Variants in MYT1L observed in about 807,000 individuals in gnomAD.
The protein encoded by MYT1L is myelin transcription factor 1 like.
A neutral mutation model predicts 126.7 loss-of-function variants in MYT1L; 12 were observed. The observed-to-expected ratio is 0.09, with a 90% CI of 0.06 to 0.15. The LOEUF (loss-of-function observed/expected upper bound fraction) is 0.15, where lower values mean the gene tolerates loss of function less well. MYT1L is among the 10% of genes least tolerant of loss of function. The pLI, the probability that MYT1L is intolerant of heterozygous loss-of-function variation, is 1.00. For synonymous variants in MYT1L, 541 were observed against 604.2 expected (o/e 0.90, Z 1.53); for missense variants, 979 against 1,585.2 (o/e 0.62, Z 6.49).
intron 3 of MYT1L, among the ~76,000 whole-genome samples, chr2:2,117,784 G>C (rs1300056346): frequency 1.3e-5 from 2 of 152,116 alleles, no homozygotes; most frequent in East Asian, 3.9e-4. Context: ...GTCTCCACTA[G>C]ATAGCAATGA....
At chr2:2,006,532 T>C (rs891802708) in intron 4 of MYT1L, among the ~76,000 whole-genome samples, 1 of 152,130 alleles carries the variant, frequency 6.6e-6, no homozygotes. Context: ...CCCCCACCCA[T>C]AACCACTGTT....
intron 4 of MYT1L, among the ~76,000 whole-genome samples, chr2:1,999,363 A>G (rs2062153878): frequency 6.6e-6 from 1 of 152,174 alleles, no homozygotes; most frequent in South Asian, 2.1e-4. Context: ...GCACTCTGCT[A>G]GACACGGGTA....
At chr2:2,321,440 G>A (rs1347238880) in intron 1 of MYT1L, among the ~76,000 whole-genome samples, 1 of 152,154 alleles carries the variant, frequency 6.6e-6, no homozygotes, top group African/African-American at 2.4e-5. Flanking sequence ...CTTCTGTTCA[G>A]ATGGCACAGG....
intron 18 of MYT1L, among the ~76,000 whole-genome samples, chr2:1,868,463 C>T (rs1010035584): frequency 2.6e-5 from 4 of 151,888 alleles, no homozygotes; most frequent in African/African-American, 4.8e-5. Flanking sequence ...AAGGAAGAAA[C>T]CCTTGATAAT....
At chr2:1,956,997 G>C (rs965872404) in intron 8 of MYT1L, among the ~76,000 whole-genome samples, 4 of 152,324 alleles carry the variant, frequency 2.6e-5, no homozygotes, top group Admixed American at 1.3e-4. Flanking sequence ...TGTGTGAGCA[G>C]GAAGGGGTCC....
intron 18 of MYT1L, among the ~76,000 whole-genome samples, chr2:1,854,544 A>C (rs902708120): frequency 6.6e-6 from 1 of 152,246 alleles, no homozygotes; most frequent in Non-Finnish European, 1.5e-5. Context: ...ATTAGGTTTC[A>C]GTAAAAAAAG....
intron 4 of MYT1L, among the ~76,000 whole-genome samples, chr2:2,053,510 G>A (rs892050233): frequency 7.2e-5 from 11 of 152,304 alleles, no homozygotes; most frequent in Admixed American, 2.0e-4. Flanking sequence ...AGCAAGGGAC[G>A]TTTGTCAACA....
intron 3 of MYT1L, among the ~76,000 whole-genome samples, chr2:2,091,920 T>G (rs1006257326): frequency 6.6e-6 from 1 of 152,222 alleles, no homozygotes; most frequent in Non-Finnish European, 1.5e-5. Flanking sequence ...TAAGGAGAGT[T>G]AGGGCCTTTC....
intron 5 of MYT1L, among the ~76,000 whole-genome samples, chr2:1,982,537 T>A (rs967951193): frequency 4.6e-5 from 7 of 152,204 alleles, no homozygotes; most frequent in Admixed American, 3.9e-4. Context: ...GAACTCATAT[T>A]TGGGCTGAAT....
intron 13 of MYT1L, among the ~76,000 whole-genome samples, chr2:1,907,944 G>C (rs1426471524): frequency 6.6e-6 from 1 of 152,228 alleles, no homozygotes; most frequent in Non-Finnish European, 1.5e-5. Context: ...AGCACCCAGC[G>C]CCTCCCTGAA....
chr2:2,164,685 T>G (rs1049039932), intron 3 of MYT1L, among the ~76,000 whole-genome samples: 5 of 152,212 alleles, frequency 3.3e-5, no homozygotes, highest in Non-Finnish European at 7.3e-5. Context: ...TGCATAAACT[T>G]GTGACATTCT....
intron 1 of MYT1L, among the ~76,000 whole-genome samples, chr2:2,329,424 T>A (rs1054835656): frequency 1.3e-5 from 2 of 151,964 alleles, no homozygotes; most frequent in Non-Finnish European, 2.9e-5. Context: ...AACAACATAA[T>A]CCTTCATATT....
chr2:1,996,772 G>A (rs1416830382), intron 5 of MYT1L, among the ~76,000 whole-genome samples: 19 of 135,870 alleles, frequency 1.4e-4, no homozygotes, highest in Admixed American at 3.8e-4. Flanking sequence ...GAGTGTAGAC[G>A]GGCCGCCTTT....
rs2060401908 is a variant in MYT1L at position 1,979,132 on chromosome 2, A to G, written c.152+33T>C. The G allele has an allele frequency of 6.3e-7, 1 of 1,579,080 alleles. No homozygotes were observed. On this transcript the variant is annotated intron_variant, in intron 8 of 24. Transcript: ENST00000647738. This position sits in a 1 kb window ranked among gnomAD's most constrained non-coding sequence, Gnocchi z 4.0. ...GGTCCCCAAATAAGTCACTTTAGAC[A>G]GCACATTGTGGAAAAAAAAATGCAG...
At position 1,889,173 on chromosome 2, in the gene MYT1L, C is replaced by T. The variant is rs889355313; in HGVS notation, c.2520+68G>A. On this transcript the variant is annotated intron_variant, in intron 16 of 24. Coordinates refer to ENST00000647738, the MANE Select transcript of MYT1L (RefSeq NM_001303052.2). The surrounding 1 kb of genome is among the most constrained non-coding windows in gnomAD (Gnocchi z 4.1). ...TTTCTCATAACGTATGTGCAAATGG[C>T]TTTTCTTTCAGCTGGGGCCCCATTT... 2.4e-6 allele frequency: 3 copies of T among 1,254,878 alleles called. No homozygotes were observed. Among genetic ancestry groups the T allele is most frequent in the Non-Finnish European group, 2.3e-6 (2 of 876,100 alleles). The allele number at this position is 1,254,878 out of a possible 1,614,324, so 77.7% of individuals were successfully genotyped here.
intron 18 of MYT1L, among the ~76,000 whole-genome samples, chr2:1,867,472 T>G (rs2148678127): frequency 6.6e-6 from 1 of 152,264 alleles, no homozygotes; most frequent in South Asian, 2.1e-4. Context: ...AATCACCAAC[T>G]TGAATCCAAA....
At chr2:2,080,874 A>G (rs2075750932) in intron 3 of MYT1L, among the ~76,000 whole-genome samples, 1 of 152,236 alleles carries the variant, frequency 6.6e-6, no homozygotes, top group African/African-American at 2.4e-5. Context: ...GTCTACATGG[A>G]CATTATGCTA....
chr2:1,945,328 G>A (rs528174859), intron 8 of MYT1L, among the ~76,000 whole-genome samples: 6 of 152,350 alleles, frequency 3.9e-5, no homozygotes, highest in African/African-American at 1.2e-4. Flanking sequence ...GAGATGCGGG[G>A]AGCAGAAGAC....
At chr2:1,859,841 C>A (rs887628888) in intron 18 of MYT1L, among the ~76,000 whole-genome samples, 12 of 152,212 alleles carry the variant, frequency 7.9e-5, no homozygotes, top group Admixed American at 5.9e-4. Flanking sequence ...TTGGGGACAG[C>A]GCGCCGGATG....
Sources: allele counts gnomAD v4.1 joint callset (sites outside exome capture counted in the v4.1 genomes callset), GRCh38; gene constraint gnomAD v4.1.1; non-coding constraint Gnocchi (gnomAD v3.1); transcripts MANE v1.5; gene names NCBI Gene and HGNC (gene_info 2026-07-23, HGNC 2026-07-21).